The following DAG1 variants were observed in gnomAD, a reference collection of about 807,000 sequenced individuals.
DAG1 encodes the protein dystroglycan 1, also known as dystroglycan 1 (dystrophin-associated glycoprotein 1).
A neutral mutation model predicts 46.1 loss-of-function variants in DAG1; 8 were observed. That is an observed-to-expected ratio of 0.17 (90% CI 0.10 to 0.31). The LOEUF is 0.31. DAG1 is among the 10% of genes least tolerant of loss of function. The pLI, the probability that DAG1 is intolerant of heterozygous loss-of-function variation, is 1.00. For missense variants in DAG1, 1,003 were observed against 1,189.9 expected (o/e 0.84, Z 2.31); for synonymous variants, 495 against 481.8 (o/e 1.03, Z -0.36).
At chr3:49,470,135 C>A (rs1046533157), upstream of DAG1, 5 of 151,352 alleles carry the variant, frequency 3.3e-5, no homozygotes, top group South Asian at 1.0e-3. Flanking sequence ...CCGACGCAGG[C>A]AGAAGCCGGC....
chr3:49,481,439 G>C (rs1461957203), intron 1 of DAG1, among the ~76,000 whole-genome samples: 2 of 149,008 alleles, frequency 1.3e-5, no homozygotes, highest in East Asian at 3.9e-4. Flanking sequence ...TTACAGTTTT[G>C]TAGAAGCACA....
At chr3:49,515,451 A>G (rs2050874674) in intron 2 of DAG1, among the ~76,000 whole-genome samples, 1 of 144,776 alleles carries the variant, frequency 6.9e-6, no homozygotes. Flanking sequence ...CAGTGGCACT[A>G]TCATGGCTCA....
chr3:49,473,022 G>A (rs1433457460), intron 1 of DAG1, among the ~76,000 whole-genome samples: 1 of 151,934 alleles, frequency 6.6e-6, no homozygotes, highest in African/African-American at 2.4e-5. Context: ...TCGGGAGGCT[G>A]AGACAGGAGA....
Position 49,528,301 on chromosome 3 carries a change from T to TG in DAG1, c.286-2496_286-2495insG, listed in dbSNP as rs1559575612. ...TTTTTTTTTTTTTTTTTTTTTTTTTTTGGGACAGAGTCTCACTCTGTCATT... is the reference window on the plus strand; with the variant it reads ...TTTTTTTTTTTTTTTTTTTTTTTTTTGTGGGACAGAGTCTCACTCTGTCATT... On this transcript the variant is annotated intron_variant, in intron 2 of 2. Transcript: ENST00000308775. Among the ~76,000 whole-genome samples, 343 of 82,918 alleles carry TG rather than the reference T, an allele frequency of 4.1e-3. 8 individuals are homozygous for TG. The highest frequency in any genetic ancestry group is 0.014 in the African/African-American group (329 of 23,514). 54.4% of individuals were successfully genotyped at this position (82,918 alleles called of 152,430 possible). A position where few individuals can be genotyped will look rare whatever the true frequency, so the allele number is the denominator to read the frequency against.
intron 1 of DAG1, among the ~76,000 whole-genome samples, chr3:49,484,649 A>G (rs1421318506): frequency 1.3e-5 from 2 of 152,066 alleles, no homozygotes; most frequent in Non-Finnish European, 2.9e-5. Flanking sequence ...CCATCCTGCT[A>G]TGGGCTTCCA....
Position 49,510,707 on chromosome 3 carries a change from A to G in DAG1, c.173A>G (p.His58Arg), listed in dbSNP as rs956626990. The G allele has an allele frequency of 6.2e-7, 1 of 1,614,158 alleles. No individual in the cohort carries two copies. The highest frequency in any genetic ancestry group is 8.5e-7 in the Non-Finnish European group (1 of 1,180,030). The change falls in exon 2 of 3, where the codon CAC (histidine) becomes CGC (arginine). Residue 58 changes from histidine to arginine, a missense_variant. Coordinates refer to ENST00000308775, the MANE Select transcript of DAG1 (RefSeq NM_004393.6). ...ATGCACTCAGTGCTCTCAGACCTCC[A>G]CGAGGCTGTTCCCACAGTGGTTGGC... ...ASMHSVLSDL[H>R]EAVPTVVGIP...
At chr3:49,521,471 G>GT (rs1214282005) in intron 2 of DAG1, among the ~76,000 whole-genome samples, 3 of 151,992 alleles carry the variant, frequency 2.0e-5, no homozygotes, top group African/African-American at 4.8e-5. Context: ...GGCCGTCTTT[G>GT]TTTTTTTGAG....
intron 1 of DAG1, among the ~76,000 whole-genome samples, chr3:49,475,266 G>A (rs965600538): frequency 2.0e-5 from 3 of 149,072 alleles, no homozygotes; most frequent in Non-Finnish European, 3.0e-5. Context: ...CAGCATGCCT[G>A]GCTAATTTTG....
intron 1 of DAG1, among the ~76,000 whole-genome samples, chr3:49,496,029 C>T (rs2050301780): frequency 6.6e-6 from 1 of 152,064 alleles, no homozygotes; most frequent in Non-Finnish European, 1.5e-5. Context: ...TCTTCAGTGT[C>T]TTACCTGGGC....
In DAG1 at chr3:49,533,558, C is replaced by G. The variant is rs1050980484; in HGVS notation, c.*359C>G. The G allele has an allele frequency of 6.5e-5, 30 of 460,934 alleles. No individual in the cohort carries two copies. Among genetic ancestry groups the G allele is most frequent in the Non-Finnish European group, 1.1e-4 (26 of 245,580 alleles). 28.6% of individuals were successfully genotyped at this position (460,934 alleles called of 1,614,324 possible). On this transcript the variant is annotated 3_prime_UTR_variant, in exon 3 of 3. Coordinates refer to ENST00000308775, the MANE Select transcript of DAG1 (RefSeq NM_004393.6). ...CAGGCAGTGCCGGGCGGCCCCCTGGCTCTCTGCGTTTTGCCTTTAACACTA... is the reference window on the plus strand; with the variant it reads ...CAGGCAGTGCCGGGCGGCCCCCTGGGTCTCTGCGTTTTGCCTTTAACACTA...
chr3:49,483,074 A>G (rs764532939), intron 1 of DAG1, among the ~76,000 whole-genome samples: 3 of 152,152 alleles, frequency 2.0e-5, no homozygotes, highest in Non-Finnish European at 2.9e-5. Flanking sequence ...TTATTTGGCT[A>G]TTAATCAGAA....
intron 2 of DAG1, among the ~76,000 whole-genome samples, chr3:49,520,205 G>A (rs1005816616): frequency 1.3e-5 from 2 of 152,252 alleles, no homozygotes; most frequent in African/African-American, 2.4e-5. Context: ...CTGCAGCACA[G>A]CCATGTGACT....
chr3:49,478,728 A>G (rs573650429), intron 1 of DAG1, among the ~76,000 whole-genome samples: 2 of 145,332 alleles, frequency 1.4e-5, no homozygotes, highest in Non-Finnish European at 3.0e-5. Context: ...ACACCACTGC[A>G]CTCCAGACTG....
At chr3:49,472,900 A>C (rs1575329725) in intron 1 of DAG1, among the ~76,000 whole-genome samples, 1 of 151,780 alleles carries the variant, frequency 6.6e-6, no homozygotes, top group Non-Finnish European at 1.5e-5. Flanking sequence ...CAGGTGGATT[A>C]CCTGAGGTCA....
chr3:49,529,846 A>G (rs1181518300), intron 2 of DAG1, among the ~76,000 whole-genome samples: 1 of 152,158 alleles, frequency 6.6e-6, no homozygotes, highest in African/African-American at 2.4e-5. Context: ...GGAGGTTTCT[A>G]TGGTGGCATT....
rs886044491 is a variant in DAG1 at position 49,533,129 on chromosome 3, T to C, written c.2618T>C (p.Met873Thr). ...YQPPPPFTAP[M>T]EGKGSRPKNM... Reference sequence around the variant, plus strand: ...CCCCCACCGCCCTTCACAGCACCCATGGAGGGCAAGGGCTCCCGTCCCAAG... The same window carrying C: ...CCCCCACCGCCCTTCACAGCACCCACGGAGGGCAAGGGCTCCCGTCCCAAG... Residue 873 changes from methionine to threonine, a missense_variant, in exon 3 of 3, where the codon ATG (methionine) becomes ACG (threonine). This residue lies in a region of DAG1 where 755 missense variants were observed against 854.1 expected (regional missense o/e 0.88). Transcript: ENST00000308775. 2 of 1,614,122 alleles carry C rather than the reference T, an allele frequency of 1.2e-6. No individual in the cohort carries two copies. The highest frequency in any genetic ancestry group is 1.7e-6 in the Non-Finnish European group (2 of 1,180,028).
chr3:49,533,945 C>G lies in DAG1; in HGVS notation c.*746C>G, dbSNP rs750547701. ...TGCTGGGTTTGCTCTCCCGCTGTTGCCAGGGGCTGGAAGCTGGAGGGGTCT... is the reference window on the plus strand; with the variant it reads ...TGCTGGGTTTGCTCTCCCGCTGTTGGCAGGGGCTGGAAGCTGGAGGGGTCT... On this transcript the variant is annotated 3_prime_UTR_variant, in exon 3 of 3. Coordinates refer to ENST00000308775, the MANE Select transcript of DAG1 (RefSeq NM_004393.6). 24 of 159,144 alleles carry G rather than the reference C, an allele frequency of 1.5e-4. No individual in the cohort carries two copies. The highest frequency in any genetic ancestry group is 3.0e-4 in the Non-Finnish European group (22 of 72,346). The allele number at this position is 159,144 out of a possible 1,614,324, so 9.9% of individuals were successfully genotyped here. A position where few individuals can be genotyped will look rare whatever the true frequency, so the allele number is the denominator to read the frequency against.
At chr3:49,469,026 A>G (rs1321448626), upstream of DAG1, 1 of 152,150 alleles carries the variant, frequency 6.6e-6, no homozygotes, top group African/African-American at 2.4e-5. Context: ...TTTGGAGCCG[A>G]GACACTGAAG....
chr3:49,474,296 T>C (rs2049614130), intron 1 of DAG1, among the ~76,000 whole-genome samples: 1 of 151,548 alleles, frequency 6.6e-6, no homozygotes, highest in Non-Finnish European at 1.5e-5. Context: ...CCTTGTGGTC[T>C]GCCCGCCTCG....
Sources: allele counts gnomAD v4.1 joint callset (sites outside exome capture counted in the v4.1 genomes callset), GRCh38; gene constraint gnomAD v4.1.1; regional missense constraint gnomAD v4.1.1; transcripts MANE v1.5; gene names NCBI Gene and HGNC (gene_info 2026-07-23, HGNC 2026-07-21).